SMYD5: variants seen among roughly 807,000 people sequenced by gnomAD.
The protein encoded by SMYD5 is protein-lysine N-trimethyltransferase SMYD5.
In SMYD5, 35 loss-of-function variants were observed where a neutral mutation model predicts 57.4. The observed-to-expected ratio is 0.61, with a 90% CI of 0.47 to 0.81. SMYD5 has a LOEUF of 0.81. Ranked by LOEUF, SMYD5 falls within the 30% of genes least tolerant of loss-of-function variation. The pLI is 0.00. For missense variants in SMYD5, 471 were observed against 527.9 expected, an observed-to-expected ratio of 0.89 and a Z score of 1.06; for synonymous variants, 198 against 189.7, an observed-to-expected ratio of 1.04 and a Z score of -0.36.
rs561213808 is a variant in SMYD5 at position 73,216,794 on chromosome 2, C to G, written c.97-2067C>G. Among the ~76,000 whole-genome samples the G allele has an allele frequency of 3.3e-5, 5 of 152,128 alleles. No individual in the cohort carries two copies. The South Asian group carries it at 1.0e-3, about 32-fold the overall frequency. The stretch of plus-strand genomic sequence containing the variant: ...CTGTGTTGCCCAGGCTGGTCTCAAA[C>G]TCCTGGGCTCAAGCGATCCTTCATC... On this transcript the variant is annotated intron_variant, in intron 1 of 12. Coordinates refer to ENST00000389501, the MANE Select transcript of SMYD5 (RefSeq NM_006062.3).
At position 73,227,163 on chromosome 2, in the gene SMYD5, GGTCAGCACTCCTCTCCCA is replaced by G. The variant is rs1686526062; in HGVS notation, c.*1219_*1236del. The stretch of plus-strand genomic sequence containing the variant: ...CATTGGGTTCTTACTCCTTCACAAC[GGTCAGCACTCCTCTCCCA>G]GCCCCCCTGCCCACTGTTCTCAATA... On this transcript the variant is annotated 3_prime_UTR_variant, in exon 13 of 13. Coordinates refer to ENST00000389501, the MANE Select transcript of SMYD5 (RefSeq NM_006062.3). 6.5e-6 allele frequency: 1 copy of G among 152,748 alleles called. No homozygotes were observed. Among genetic ancestry groups the G allele is most frequent in the Admixed American group, 6.5e-5 (1 of 15,286 alleles). 9.5% of individuals were successfully genotyped at this position (152,748 alleles called of 1,614,324 possible).
intron 7 of SMYD5, 21 bp from the exon 8 acceptor site, chr2:73,223,015 A>AGAT: frequency 6.2e-7 from 1 of 1,609,986 alleles, no homozygotes; most frequent in Admixed American, 1.7e-5. Flanking sequence ...ATGAGCACTC[A>AGAT]TCTCTTTTTT....
In SMYD5 at chr2:73,220,074, C is replaced by G. The variant is rs377202184; in HGVS notation, c.229C>G (p.Leu77Val). 5.0e-6 allele frequency: 8 copies of G among 1,614,080 alleles called. No homozygotes were observed. In the Admixed American group the frequency reaches 5.0e-5, roughly 10 times the overall value. ...AGCCTGTGACCACTGCCTTAGGGCA[C>G]TAGAGAAGGCAGAGGAGAATGCCCA... The part of the protein sequence containing the change: ...YRACDHCLRA[L>V]EKAEENAQRL... The change falls in exon 3 of 13, where the codon CTA (leucine) becomes GTA (valine). Residue 77 changes from leucine (L) to valine (V), a missense_variant. By Grantham distance (32) the Leu-to-Val change is conservative. Transcript: ENST00000389501.
intron 1 of SMYD5, among the ~76,000 whole-genome samples, chr2:73,216,390 A>C (rs1379995929): frequency 6.6e-6 from 1 of 152,150 alleles, no homozygotes; most frequent in Non-Finnish European, 1.5e-5. Flanking sequence ...CCCTGTCTCT[A>C]CTAAAAATAC....
intron 10 of SMYD5, among the ~76,000 whole-genome samples, chr2:73,224,430 T>C (rs1023459211): frequency 4.6e-5 from 7 of 152,118 alleles, no homozygotes; most frequent in African/African-American, 1.7e-4. Context: ...AGACCTCAGC[T>C]TCCCACCCCC....
At chr2:73,225,003 C>A in intron 11 of SMYD5, 43 bp downstream of exon 11, 1 of 1,458,990 alleles carries the variant, frequency 6.9e-7, no homozygotes, top group South Asian at 1.2e-5. Context: ...GGCAGTAGGC[C>A]TTGGAAGTTC....
chr2:73,223,478 G>A lies in SMYD5; in HGVS notation c.829G>A (p.Asp277Asn). The change falls in exon 9 of 13, where the codon GAC (aspartate) becomes AAC (asparagine). Residue 277 changes from aspartate (D) to asparagine (N), a missense_variant. Physicochemically the swap from Asp to Asn is conservative, Grantham distance 23 (BLOSUM62 1). Coordinates refer to ENST00000389501, the MANE Select transcript of SMYD5 (RefSeq NM_006062.3). ...TGACACTCTGGAGTTGAAGCCTCAG[G>A]ACCGTGAGCAGCTTGACGCCTTCAT... Reference protein sequence around the residue: ...ACDTLELKPQDREQLDAFIDQ... With the variant: ...ACDTLELKPQNREQLDAFIDQ... The A allele has an allele frequency of 6.2e-7, 1 of 1,614,156 alleles. No homozygotes were observed. Among genetic ancestry groups the A allele is most frequent in the Non-Finnish European group, 8.5e-7 (1 of 1,180,016 alleles).
intron 1 of SMYD5, chr2:73,214,564 A>G (rs1382438259): frequency 5.4e-6 from 8 of 1,488,572 alleles, no homozygotes; most frequent in African/African-American, 4.2e-5. Flanking sequence ...GGGCCTCCGG[A>G]GTCTCCGTGC....
intron 1 of SMYD5, chr2:73,214,727 C>A (rs1308014215): frequency 1.9e-5 from 25 of 1,341,688 alleles, no homozygotes; most frequent in Non-Finnish European, 2.5e-5. Context: ...GGAGTCCTCA[C>A]GAACTTCATG....
chr2:73,219,488 C>A (rs1156661515), intron 2 of SMYD5, among the ~76,000 whole-genome samples: 1 of 152,128 alleles, frequency 6.6e-6, no homozygotes, highest in Non-Finnish European at 1.5e-5. Flanking sequence ...TTCAAGCAAT[C>A]CTCCTGCCTC....
Position 73,224,912 on chromosome 2 carries a change from C to T in SMYD5, c.987C>T (p.Asn329=). ...ATGCAGAGACCTCCTTTCCAGAAAA[C>T]AACTTCCTTTTGCATGTCACTGCTC... ...VPNAETSFPE[N]NFLLHVTALE... is the part of the protein sequence containing the mutation. Residue 329 remains asparagine, a synonymous_variant, in exon 11 of 13, where the codon AAC becomes AAT. Coordinates refer to ENST00000389501, the MANE Select transcript of SMYD5 (RefSeq NM_006062.3). 1.2e-6 allele frequency: 2 copies of T among 1,614,104 alleles called. No homozygotes were observed. The highest frequency in any genetic ancestry group is 8.5e-7 in the Non-Finnish European group (1 of 1,179,986).
chr2:73,220,573 C>A, intron 3 of SMYD5, 88 bp from the exon 4 acceptor site: 1 of 1,497,296 alleles, frequency 6.7e-7, no homozygotes, highest in Non-Finnish European at 9.3e-7. Context: ...TGAGCTACAG[C>A]TCAGGGGCTA....
intron 2 of SMYD5, among the ~76,000 whole-genome samples, chr2:73,219,746 A>G (rs1686350152): frequency 6.6e-6 from 1 of 152,176 alleles, no homozygotes; most frequent in African/African-American, 2.4e-5. Context: ...AGTATGGGAA[A>G]AGCCCAGTTT....
intron 1 of SMYD5, 168 bp downstream of exon 1, chr2:73,214,530 G>T: frequency 6.8e-7 from 1 of 1,481,064 alleles, no homozygotes; most frequent in Non-Finnish European, 9.0e-7. Flanking sequence ...GCGCAGGCTC[G>T]TGGCGCGGTC....
At chr2:73,224,387 G>C (rs1686460283) in intron 10 of SMYD5, among the ~76,000 whole-genome samples, 1 of 152,154 alleles carries the variant, frequency 6.6e-6, no homozygotes, top group African/African-American at 2.4e-5. Flanking sequence ...CTGATGAGAA[G>C]GGGCAGATTC....
intron 2 of SMYD5, 80 bp downstream of exon 2, chr2:73,219,049 C>T (rs1415571903): frequency 1.5e-5 from 15 of 1,012,102 alleles, no homozygotes; most frequent in Middle Eastern, 2.0e-4. Context: ...TACTGGCTGA[C>T]GTCTCTGGAA....
chr2:73,220,220 G>A (rs769375020), intron 3 of SMYD5, 30 bp downstream of exon 3: 3 of 1,610,426 alleles, frequency 1.9e-6, no homozygotes, highest in South Asian at 1.1e-5. Context: ...GTACCTGGAA[G>A]GGGGTGGGTG....
At chr2:73,223,840 G>A (rs1374273960) in intron 9 of SMYD5, 107 bp from the exon 10 acceptor site, 30 of 1,007,870 alleles carry the variant, frequency 3.0e-5, no homozygotes, top group Non-Finnish European at 4.4e-5. Flanking sequence ...GCCTTAGTGT[G>A]GTGGGGTTGC....
chr2:73,217,959 G>A (rs943873423), intron 1 of SMYD5, among the ~76,000 whole-genome samples: 1 of 152,112 alleles, frequency 6.6e-6, no homozygotes, highest in East Asian at 1.9e-4. Context: ...TAGTGTTTTA[G>A]ACCAGTGCTT....
Sources: allele counts gnomAD v4.1 joint callset (sites outside exome capture counted in the v4.1 genomes callset), GRCh38; gene constraint gnomAD v4.1.1; transcripts MANE v1.5; gene names NCBI Gene and HGNC (gene_info 2026-07-23, HGNC 2026-07-21).